Variants in NVL observed in about 807,000 individuals in gnomAD.
The protein encoded by NVL is nuclear valosin-containing protein-like.
NVL carries 84 observed loss-of-function variants against 110.2 expected under a neutral mutation model. That is an observed-to-expected ratio of 0.76 (90% confidence interval 0.64 to 0.91). NVL has a LOEUF of 0.91. NVL is among the 40% of genes least tolerant of loss of function. The pLI, the probability that NVL is intolerant of heterozygous loss-of-function variation, is 0.00. For missense variants in NVL, 882 were observed against 1,035.9 expected, an observed-to-expected ratio of 0.85 and a Z score of 2.04; for synonymous variants, 354 against 361.1, an observed-to-expected ratio of 0.98 and a Z score of 0.22.
At chr1:224,302,343 G>A (rs1330098814) in intron 9 of NVL, among the ~76,000 whole-genome samples, 1 of 152,114 alleles carries the variant, frequency 6.6e-6, no homozygotes, top group Non-Finnish European at 1.5e-5. Context: ...TGGGATTGCA[G>A]GCATGCGCCA....
chr1:224,323,088 C>T (rs1670816424), intron 2 of NVL, among the ~76,000 whole-genome samples: 1 of 152,164 alleles, frequency 6.6e-6, no homozygotes, highest in Admixed American at 6.5e-5. Context: ...AAAGATGCTT[C>T]TGGTGAGGTC....
intron 22 of NVL, among the ~76,000 whole-genome samples, chr1:224,230,135 G>A (rs1402381834): frequency 3.9e-5 from 6 of 152,142 alleles, no homozygotes; most frequent in Admixed American, 3.3e-4. Flanking sequence ...CCCAGCTCCA[G>A]AGTGATTTTT....
intron 19 of NVL, among the ~76,000 whole-genome samples, chr1:224,243,009 CT>C (rs1182519436): frequency 6.6e-6 from 1 of 150,696 alleles, no homozygotes; most frequent in African/African-American, 2.4e-5. Context: ...ATGAGATCAC[CT>C]CATTCAGGTG....
intron 8 of NVL, 93 bp from the exon 9 acceptor site, chr1:224,303,950 A>ATTCTACCTATCTACTCCAT: frequency 7.3e-7 from 1 of 1,367,222 alleles, no homozygotes; most frequent in Non-Finnish European, 9.8e-7. Flanking sequence ...AATGGAGTAG[A>ATTCTACCTATCTACTCCAT]TAGGTAGAAT....
intron 22 of NVL, 101 bp from the exon 23 acceptor site, chr1:224,227,771 C>A: frequency 9.6e-7 from 1 of 1,043,652 alleles, no homozygotes; most frequent in East Asian, 2.6e-5. Flanking sequence ...ACCCGCAGGA[C>A]CTCAGAATGT....
chr1:224,308,160 G>T lies in NVL; in HGVS notation c.446C>A (p.Ser149Ter), dbSNP rs1301808785. The change falls in exon 6 of 23, where the codon TCA becomes TAA. Residue 149 changes from serine (S) to a stop codon, truncating the protein, a stop_gained. Coordinates refer to ENST00000281701, the MANE Select transcript of NVL (RefSeq NM_002533.4). LOFTEE classifies it high-confidence loss of function. ...PEMEQRETTS[S>*]TPRISSKTGS... ...TGTTTTGGAACTTATCCGTGGTGTT[G>T]AAGAGGTGGTTTCTCTTTGCTCCAT... is the stretch of plus-strand genomic sequence containing the variant. 6.2e-7 allele frequency: 1 copy of T among 1,613,968 alleles called. No individual in the cohort carries two copies. The highest frequency in any genetic ancestry group is 8.5e-7 in the Non-Finnish European group (1 of 1,180,014).
chr1:224,316,415 G>A (rs1231116509), intron 4 of NVL, among the ~76,000 whole-genome samples: 3 of 152,110 alleles, frequency 2.0e-5, no homozygotes, highest in African/African-American at 7.2e-5. Context: ...GCTGGGTGCT[G>A]TGGCTCGCAC....
At chr1:224,265,924 T>C (rs904020395) in intron 18 of NVL, among the ~76,000 whole-genome samples, 5 of 152,240 alleles carry the variant, frequency 3.3e-5, no homozygotes, top group Non-Finnish European at 5.9e-5. Context: ...TAAGCCACCA[T>C]GCCCAGCTTG....
At chr1:224,321,151 G>A (rs1670604718) in intron 2 of NVL, among the ~76,000 whole-genome samples, 1 of 152,182 alleles carries the variant, frequency 6.6e-6, no homozygotes, top group African/African-American at 2.4e-5. Context: ...TCTGGGGGCT[G>A]AGGCAGAAGG....
intron 19 of NVL, among the ~76,000 whole-genome samples, chr1:224,247,543 C>T (rs1661992940): frequency 6.6e-6 from 1 of 152,010 alleles, no homozygotes; most frequent in South Asian, 2.1e-4. Flanking sequence ...GTGGTGCACG[C>T]CTGTAATCCC....
intron 18 of NVL, among the ~76,000 whole-genome samples, chr1:224,259,822 C>CTTT (rs60297397): frequency 0.01 from 1,373 of 135,296 alleles, 27 homozygotes; most frequent in African/African-American, 0.035. Context: ...ACCCAGCTAA[C>CTTT]TTTTTTTTTT....
chr1:224,315,616 C>T (rs1363886957), intron 4 of NVL, among the ~76,000 whole-genome samples: 3 of 152,156 alleles, frequency 2.0e-5, no homozygotes, highest in African/African-American at 4.8e-5. Flanking sequence ...GTAGAATTCT[C>T]ATAAACTGCT....
intron 1 of NVL, 105 bp from the exon 2 acceptor site, chr1:224,326,569 C>A: frequency 1.5e-6 from 1 of 680,626 alleles, no homozygotes; most frequent in South Asian, 2.1e-5. Flanking sequence ...AAGATAAACT[C>A]TTCGTTAATA....
chr1:224,327,569 A>C (rs1671262747), intron 1 of NVL, among the ~76,000 whole-genome samples: 1 of 152,158 alleles, frequency 6.6e-6, no homozygotes, highest in African/African-American at 2.4e-5. Context: ...TTCATGTTTA[A>C]CTTGGGTCCC....
intron 19 of NVL, among the ~76,000 whole-genome samples, chr1:224,238,775 T>C (rs1394206809): frequency 6.6e-6 from 1 of 152,162 alleles, no homozygotes; most frequent in East Asian, 1.9e-4. Flanking sequence ...GGGTAGTGGC[T>C]GGAAGTAGAA....
At position 224,275,322 on chromosome 1, in the gene NVL, T is replaced by TAGTCCATG. The variant is rs773590862; in HGVS notation, c.2082+9_2082+16dup. ...TGTGCTAAAAGAATCTGAAAACCAC[T>TAGTCCATG]AGTCCATGATACTTACCTCTCGGTC... On this transcript the variant is annotated intron_variant, in intron 17 of 22. Coordinates refer to ENST00000281701, the MANE Select transcript of NVL (RefSeq NM_002533.4). 11 of 1,613,934 alleles carry TAGTCCATG rather than the reference T, an allele frequency of 6.8e-6. No homozygotes were observed. The highest frequency in any genetic ancestry group is 6.7e-5 in the Admixed American group (4 of 59,982).
At chr1:224,323,733 C>T (rs143284312) in intron 2 of NVL, among the ~76,000 whole-genome samples, 227 of 152,306 alleles carry the variant, frequency 1.5e-3, no homozygotes, top group Middle Eastern at 3.4e-3. Context: ...GGCACAGGTC[C>T]GGCAGGTGGG....
chr1:224,283,579 A>G (rs1362726418), intron 15 of NVL, among the ~76,000 whole-genome samples: 1 of 152,230 alleles, frequency 6.6e-6, no homozygotes, highest in Non-Finnish European at 1.5e-5. Context: ...GGAGAAATGT[A>G]GATCTATGAT....
chr1:224,294,421 G>T lies in NVL; in HGVS notation c.1181-10C>A, dbSNP rs1439940767. ...GCCACATTATTCAGATCTAGTAAGAGACAGAGAAAGAGTAGTGAACAAAGC... is the reference window on the plus strand; with the variant it reads ...GCCACATTATTCAGATCTAGTAAGATACAGAGAAAGAGTAGTGAACAAAGC... On this transcript the variant is annotated splice_polypyrimidine_tract_variant and intron_variant, in intron 11 of 22. Coordinates refer to ENST00000281701, the MANE Select transcript of NVL (RefSeq NM_002533.4). The T allele has an allele frequency of 6.2e-7, 1 of 1,613,606 alleles. No homozygotes were observed. The highest frequency in any genetic ancestry group is 8.5e-7 in the Non-Finnish European group (1 of 1,179,850).
Sources: gnomAD v4.1 joint callset for allele counts (sites outside exome capture counted in the v4.1 genomes callset) on GRCh38, gnomAD v4.1.1 for gene constraint, MANE v1.5 for transcripts, NCBI Gene and HGNC (gene_info 2026-07-23, HGNC 2026-07-21) for gene names.